The following H6PD variants were observed in gnomAD, a reference collection of about 807,000 sequenced individuals.
The protein encoded by H6PD is hexose-6-phosphate dehydrogenase/glucose 1-dehydrogenase, also known as GDH/6PGL endoplasmic bifunctional protein.
H6PD carries 48 observed loss-of-function variants against 61.2 expected under a neutral mutation model. The observed-to-expected ratio is 0.78, with a 90% CI of 0.62 to 1.00. The LOEUF (loss-of-function observed/expected upper bound fraction) is 1.00. Among genes scored for constraint, H6PD ranks in the 50% least tolerant of loss-of-function variants. The probability of loss-of-function intolerance (pLI) is 0.00; values close to 1 mark genes in which losing one functional copy is unlikely to be tolerated. For synonymous variants in H6PD, 480 were observed against 457.9 expected, an observed-to-expected ratio of 1.05 and a Z score of -0.62; for missense variants, 1,093 against 1,065.0, an observed-to-expected ratio of 1.03 and a Z score of -0.37.
intron 3 of H6PD, among the ~76,000 whole-genome samples, chr1:9,258,703 ATGT>A (rs1199671574): frequency 6.6e-6 from 1 of 151,594 alleles, no homozygotes; most frequent in Admixed American, 6.6e-5. Flanking sequence ...CACCAGTGTT[ATGT>A]TGTTGTTACA....
chr1:9,260,190 G>C (rs1263458816), intron 3 of H6PD, among the ~76,000 whole-genome samples: 1 of 151,444 alleles, frequency 6.6e-6, no homozygotes, highest in Non-Finnish European at 1.5e-5. Context: ...TGTTATGCTG[G>C]TGTTGTTACA....
chr1:9,241,086 T>G (rs1035385472), intron 1 of H6PD, among the ~76,000 whole-genome samples: 7 of 152,210 alleles, frequency 4.6e-5, no homozygotes, highest in African/African-American at 1.7e-4. Context: ...TCTCCAGTGC[T>G]GTCTGCAGGG....
Position 9,262,154 on chromosome 1 carries a change from C to G in H6PD, c.841C>G (p.His281Asp). The stretch of plus-strand genomic sequence containing the variant: ...CACCCTCGTGGCCATGGAGCTGCCC[C>G]ACAATGTCAGCAGTGCGGAGGCTGT... The part of the protein sequence containing the change: ...VLTLVAMELP[H>D]NVSSAEAVLR... Residue 281 changes from histidine to aspartate, a missense_variant, in exon 4 of 5, where the codon CAC becomes GAC. Coordinates refer to ENST00000377403, the MANE Select transcript of H6PD (RefSeq NM_004285.4). 1 of 1,614,254 alleles carries G rather than the reference C, an allele frequency of 6.2e-7. No homozygotes were observed.
At position 9,263,698 on chromosome 1, in the gene H6PD, T is replaced by G. The variant is rs749535728; in HGVS notation, c.1205T>G (p.Ile402Ser). The stretch of plus-strand genomic sequence containing the variant: ...CTGCCCCGGCAGCTCGTCTTCCACA[T>G]CGGCCATGGCGACCTGGGCAGCCCT... Reference protein sequence around the residue: ...QCLPRQLVFHIGHGDLGSPAV... With the variant: ...QCLPRQLVFHSGHGDLGSPAV... Residue 402 changes from isoleucine to serine, a missense_variant, in exon 5 of 5, where the codon ATC (isoleucine) becomes AGC (serine). Transcript: ENST00000377403. The G allele has an allele frequency of 7.4e-6, 12 of 1,613,834 alleles. No homozygotes were observed. Among genetic ancestry groups the G allele is most frequent in the Non-Finnish European group, 1.0e-5 (12 of 1,180,006 alleles).
rs149851560 is a variant in H6PD, at chr1:9,264,263, G to A, written c.1770G>A (p.Ser590=). The change falls in exon 5 of 5, where the codon TCG becomes TCA. Residue 590 remains serine, a synonymous_variant. Coordinates refer to ENST00000377403, the MANE Select transcript of H6PD (RefSeq NM_004285.4). ...TTGGCCAGTTCCACCTGGCACTGTCGGGGGGCTCGAGCCCCGTGGCCCTGT... is the reference window on the plus strand; with the variant it reads ...TTGGCCAGTTCCACCTGGCACTGTCAGGGGGCTCGAGCCCCGTGGCCCTGT... ...RRFGQFHLAL[S]GGSSPVALFQ... is the part of the protein sequence containing the mutation. 1,299 of 1,609,600 alleles carry A rather than the reference G, an allele frequency of 8.1e-4. 5 individuals carry two copies. In the African/African-American group the frequency reaches 9.9e-3, roughly 12 times the overall value.
chr1:9,248,896 G>GC (rs1570097133), intron 3 of H6PD, among the ~76,000 whole-genome samples: 1 of 152,162 alleles, frequency 6.6e-6, no homozygotes, highest in Non-Finnish European at 1.5e-5. Context: ...CAGGGCGCTG[G>GC]CCGTGGGTTG....
chr1:9,250,876 CATGCTG>C (rs774239134), intron 3 of H6PD, among the ~76,000 whole-genome samples: 15 of 152,216 alleles, frequency 9.9e-5, no homozygotes, highest in Non-Finnish European at 2.1e-4. Flanking sequence ...CTCCATCCTC[CATGCTG>C]GGTGAGTGTT....
chr1:9,259,143 C>T (rs1432527742), intron 3 of H6PD, among the ~76,000 whole-genome samples: 3 of 152,224 alleles, frequency 2.0e-5, no homozygotes, highest in Non-Finnish European at 2.9e-5. Context: ...AGGCGCCCGC[C>T]ACCACGCCCA....
In H6PD at chr1:9,246,996, C is replaced by G; in HGVS notation, c.658C>G (p.Gln220Glu). ...GGCGCAGATCCTGCCTTTCCGAGACCAGAACCGCAAGGCTTTGGACGGCCT... is the reference window on the plus strand; with the variant it reads ...GGCGCAGATCCTGCCTTTCCGAGACGAGAACCGCAAGGCTTTGGACGGCCT... ...AVAQILPFRD[Q>E]NRKALDGLWN... Residue 220 changes from glutamine to glutamate, a missense_variant, in exon 3 of 5, where the codon CAG becomes GAG. Physicochemically the swap from Gln to Glu is conservative, Grantham distance 29. Transcript: ENST00000377403. 1 of 1,613,950 alleles carries G rather than the reference C, an allele frequency of 6.2e-7. No individual in the cohort carries two copies. Among genetic ancestry groups the G allele is most frequent in the Non-Finnish European group, 8.5e-7 (1 of 1,179,844 alleles).
At chr1:9,241,516 C>A (rs1340991549) in intron 1 of H6PD, among the ~76,000 whole-genome samples, 3 of 152,150 alleles carry the variant, frequency 2.0e-5, no homozygotes, top group Non-Finnish European at 2.9e-5. Context: ...CAGTCCTCAG[C>A]CTCCTGAGTA....
intron 3 of H6PD, among the ~76,000 whole-genome samples, chr1:9,259,204 G>A (rs557946763): frequency 2.0e-5 from 3 of 152,248 alleles, no homozygotes; most frequent in South Asian, 4.1e-4. Flanking sequence ...ATGTTAGGAT[G>A]GTCTCGATCT....
chr1:9,251,287 G>A (rs1350857948), intron 3 of H6PD, among the ~76,000 whole-genome samples: 1 of 152,146 alleles, frequency 6.6e-6, no homozygotes, highest in African/African-American at 2.4e-5. Flanking sequence ...TTGGAACTGA[G>A]GTCTTGGCAC....
intron 1 of H6PD, chr1:9,240,011 T>C: frequency 8.1e-7 from 1 of 1,231,270 alleles, no homozygotes; most frequent in Non-Finnish European, 1.0e-6. Context: ...AGCAGAGCCT[T>C]TTAACTGGTA....
At chr1:9,261,164 C>T (rs1638275837) in intron 3 of H6PD, among the ~76,000 whole-genome samples, 1 of 152,172 alleles carries the variant, frequency 6.6e-6, no homozygotes, top group Non-Finnish European at 1.5e-5. Flanking sequence ...GGTCGATCCC[C>T]AATATAGGTC....
intron 4 of H6PD, 69 bp from the exon 5 acceptor site, chr1:9,263,440 G>C (rs1287245025): frequency 6.7e-7 from 1 of 1,489,650 alleles, no homozygotes; most frequent in East Asian, 2.3e-5. Flanking sequence ...CCGGCAAGGA[G>C]AGGAGAGGGC....
rs1004904485 is a variant in H6PD, at chr1:9,270,158, C to T, written c.*5289C>T. 2.0e-5 allele frequency: 3 copies of T among 152,648 alleles called. No individual in the cohort carries two copies. Among genetic ancestry groups the T allele is most frequent in the Admixed American group, 1.3e-4 (2 of 15,282 alleles). 9.5% of individuals were successfully genotyped at this position (152,648 alleles called of 1,614,324 possible). A position where few individuals can be genotyped will look rare whatever the true frequency, so the allele number is the denominator to read the frequency against. On this transcript the variant is annotated 3_prime_UTR_variant, in exon 5 of 5. Transcript: ENST00000377403. ...GGAAGGGAGAGCACTGGAGTAATGACACTTCTGCTGCTGCTTTGATTCTCA... is the reference window on the plus strand; with the variant it reads ...GGAAGGGAGAGCACTGGAGTAATGATACTTCTGCTGCTGCTTTGATTCTCA...
In H6PD at chr1:9,263,598, G is replaced by C; in HGVS notation, c.1105G>C (p.Ala369Pro). ...GKALDERVGY[A>P]RILFKNQACC... is the part of the protein sequence containing the mutation. ...AGCCTTGGACGAGAGAGTGGGCTACGCTCGGATCTTGTTCAAGAACCAGGC... is the reference window on the plus strand; with the variant it reads ...AGCCTTGGACGAGAGAGTGGGCTACCCTCGGATCTTGTTCAAGAACCAGGC... Residue 369 changes from alanine (A) to proline (P), a missense_variant, in exon 5 of 5, where the codon GCT becomes CCT. Ala to Pro is a conservative substitution (Grantham distance 27, BLOSUM62 -1). Transcript: ENST00000377403. 6.2e-7 allele frequency: 1 copy of C among 1,614,208 alleles called. No individual in the cohort carries two copies. Among genetic ancestry groups the C allele is most frequent in the Non-Finnish European group, 8.5e-7 (1 of 1,180,024 alleles).
Position 9,267,645 on chromosome 1 carries a change from T to C in H6PD, c.*2776T>C, listed in dbSNP as rs1370378009. 1.3e-5 allele frequency: 2 copies of C among 152,272 alleles called. No individual in the cohort carries two copies. Among genetic ancestry groups the C allele is most frequent in the Non-Finnish European group, 2.9e-5 (2 of 68,122 alleles). The allele number at this position is 152,272 out of a possible 1,614,324, so 9.4% of individuals were successfully genotyped here. On this transcript the variant is annotated 3_prime_UTR_variant, in exon 5 of 5. Coordinates refer to ENST00000377403, the MANE Select transcript of H6PD (RefSeq NM_004285.4). ...GGGTCGAAATGCCAAAGGTCTACTT[T>C]CCAGAATCAAGTGCCTTCTGCAAAT... is the stretch of plus-strand genomic sequence containing the variant.
At chr1:9,252,817 G>GC (rs576546264) in intron 3 of H6PD, among the ~76,000 whole-genome samples, 2 of 152,120 alleles carry the variant, frequency 1.3e-5, no homozygotes, top group African/African-American at 2.4e-5. Flanking sequence ...CACAGCCATG[G>GC]CCCCCCTGCT....
Sources: gnomAD v4.1 joint callset for allele counts (sites outside exome capture counted in the v4.1 genomes callset) on GRCh38, gnomAD v4.1.1 for gene constraint, MANE v1.5 for transcripts, NCBI Gene and HGNC (gene_info 2026-07-23, HGNC 2026-07-21) for gene names.